Variants in UBA6 observed in about 807,000 individuals in gnomAD.
The protein encoded by UBA6 is ubiquitin-like modifier-activating enzyme 6.
UBA6 carries 87 observed loss-of-function variants against 148.3 expected under a neutral mutation model. The observed-to-expected ratio is 0.59, with a 90% CI of 0.49 to 0.70. The LOEUF is 0.70. UBA6 is among the 30% of genes least tolerant of loss of function. The pLI, the probability that UBA6 is intolerant of heterozygous loss-of-function variation, is 0.00. For synonymous variants in UBA6, 376 were observed against 401.0 expected (o/e 0.94, Z 0.75); for missense variants, 1,186 against 1,241.2 (o/e 0.96, Z 0.67).
chr4:67,622,962 C>T (rs1345857211), intron 31 of UBA6, 37 bp from the exon 32 acceptor site: 1 of 1,524,150 alleles, frequency 6.6e-7, no homozygotes. Context: ...CAATGAAAGC[C>T]TCGCTCAAAC....
intron 19 of UBA6, among the ~76,000 whole-genome samples, chr4:67,636,423 G>C (rs1016718464): frequency 6.6e-6 from 1 of 152,086 alleles, no homozygotes; most frequent in African/African-American, 2.4e-5. Flanking sequence ...CTCTTTCCAT[G>C]GTCTCCCTCT....
chr4:67,698,620 C>T (rs1039522361), intron 1 of UBA6, among the ~76,000 whole-genome samples: 2 of 152,142 alleles, frequency 1.3e-5, no homozygotes, highest in African/African-American at 4.8e-5. Flanking sequence ...ACCACACATA[C>T]TGCCTACTGT....
chr4:67,634,116 T>A, intron 22 of UBA6, 126 bp downstream of exon 22: 1 of 602,198 alleles, frequency 1.7e-6, no homozygotes, highest in Non-Finnish European at 2.8e-6. Context: ...ATTCCTTATG[T>A]ATCATTTCAT....
intron 4 of UBA6, among the ~76,000 whole-genome samples, chr4:67,679,883 G>A (rs981892741): frequency 6.6e-6 from 1 of 152,082 alleles, no homozygotes; most frequent in African/African-American, 2.4e-5. Context: ...ACTACTGGGG[G>A]CTGTGTCTCA....
chr4:67,657,840 AAAAG>A (rs1729739172), intron 13 of UBA6, among the ~76,000 whole-genome samples: 1 of 151,022 alleles, frequency 6.6e-6, no homozygotes, highest in Admixed American at 6.6e-5. Context: ...AAAAAAAAAA[AAAAG>A]AAAACAAAAA....
chr4:67,675,354 A>G (rs1015450553), intron 6 of UBA6, among the ~76,000 whole-genome samples: 1 of 152,152 alleles, frequency 6.6e-6, no homozygotes, highest in Non-Finnish European at 1.5e-5. Context: ...TATATTATAT[A>G]TTTAATCCCT....
chr4:67,662,468 T>G lies in UBA6; in HGVS notation c.1038-213A>C, dbSNP rs1367501696. On this transcript the variant is annotated intron_variant, in intron 12 of 32. Coordinates refer to ENST00000322244, the MANE Select transcript of UBA6 (RefSeq NM_018227.6). The stretch of plus-strand genomic sequence containing the variant: ...ATCAGTATATAAATAAGTTTAGTTT[T>G]TTTTGTTTTTTTTTTTTTGAGACAG... The G allele has an allele frequency of 4.6e-6, 2 of 439,214 alleles. 1 individual carries two copies. The highest frequency in any genetic ancestry group is 7.9e-6 in the Non-Finnish European group (2 of 252,792). 27.2% of individuals were successfully genotyped at this position (439,214 alleles called of 1,614,324 possible).
chr4:67,678,124 ATACATAT>A (rs966570551), intron 5 of UBA6, among the ~76,000 whole-genome samples: 1 of 126,412 alleles, frequency 7.9e-6, no homozygotes, highest in Non-Finnish European at 1.7e-5. Context: ...ATATTATATA[ATACATAT>A]TATGTAAATA....
At chr4:67,673,907 C>T in intron 6 of UBA6, 130 bp from the exon 7 acceptor site, 3 of 514,624 alleles carry the variant, frequency 5.8e-6, no homozygotes, top group East Asian at 3.3e-5. Context: ...AGTTATAATC[C>T]TACGGAATTC....
At chr4:67,628,374 T>G (rs769202822) in intron 27 of UBA6, among the ~76,000 whole-genome samples, 1 of 151,908 alleles carries the variant, frequency 6.6e-6, no homozygotes, top group Admixed American at 6.6e-5. Context: ...AGTCCTGACC[T>G]TAAAAGCTTT....
intron 2 of UBA6, among the ~76,000 whole-genome samples, chr4:67,690,089 T>C (rs1025772533): frequency 6.6e-6 from 1 of 152,050 alleles, no homozygotes; most frequent in Non-Finnish European, 1.5e-5. Context: ...AAGGTATTTT[T>C]GAGGCACAAA....
Position 67,621,541 on chromosome 4 carries a change from G to A in UBA6, c.3023+1290C>T, listed in dbSNP as rs139543805. Among the ~76,000 whole-genome samples the A allele has an allele frequency of 4.7e-3, 722 of 152,320 alleles. 8 individuals carry two copies. Among genetic ancestry groups the A allele is most frequent in the African/African-American group, 0.016 (668 of 41,580 alleles). On this transcript the variant is annotated intron_variant, in intron 32 of 32. Transcript: ENST00000322244. ...ACATGGGCCGGGCACAGTGGCTCAC[G>A]CCTGTAATCCCAGCACTTTGGGAGG...
At chr4:67,675,165 T>C (rs1359307429) in intron 6 of UBA6, among the ~76,000 whole-genome samples, 3 of 152,170 alleles carry the variant, frequency 2.0e-5, no homozygotes, top group Non-Finnish European at 4.4e-5. Flanking sequence ...CTATGTGCTA[T>C]AGCTTTGGTA....
intron 9 of UBA6, 41 bp downstream of exon 9, chr4:67,668,510 C>T (rs1730062505): frequency 6.4e-7 from 1 of 1,568,760 alleles, no homozygotes; most frequent in East Asian, 2.3e-5. Flanking sequence ...TATAAATTTG[C>T]TGAATAAGTA....
chr4:67,669,207 C>T (rs1206627806), intron 8 of UBA6, among the ~76,000 whole-genome samples: 1 of 152,094 alleles, frequency 6.6e-6, no homozygotes, highest in African/African-American at 2.4e-5. Context: ...GAATCCATAC[C>T]ATATTTTGGA....
chr4:67,656,393 T>C (rs1031545298), intron 13 of UBA6, among the ~76,000 whole-genome samples: 7 of 152,176 alleles, frequency 4.6e-5, no homozygotes, highest in Non-Finnish European at 1.0e-4. Flanking sequence ...AATCAATAAA[T>C]GTAATCTATC....
intron 2 of UBA6, among the ~76,000 whole-genome samples, chr4:67,686,485 TAAC>T (rs1730562513): frequency 1.3e-5 from 2 of 152,088 alleles, no homozygotes; most frequent in Admixed American, 1.3e-4. Flanking sequence ...GAGATCATAA[TAAC>T]AACAACTTCG....
intron 23 of UBA6, among the ~76,000 whole-genome samples, 167 bp downstream of exon 23, chr4:67,633,178 G>A (rs1466958987): frequency 6.6e-6 from 1 of 152,048 alleles, no homozygotes; most frequent in Non-Finnish European, 1.5e-5. Context: ...CTTCTATTCT[G>A]AACAAACTTC....
Position 67,701,030 on chromosome 4 carries a change from G to A in UBA6, c.71+19C>T. 1 of 1,613,348 alleles carries A rather than the reference G, an allele frequency of 6.2e-7. No homozygotes were observed. The highest frequency in any genetic ancestry group is 8.5e-7 in the Non-Finnish European group (1 of 1,179,458). ...GTCCCACCCGCGACCCCTCACCTTC[G>A]CCCTTCTCGTCCTCTCACCTGCCAG... On this transcript the variant is annotated intron_variant, in intron 1 of 32. Transcript: ENST00000322244.
Sources: allele counts gnomAD v4.1 joint callset (sites outside exome capture counted in the v4.1 genomes callset), GRCh38; gene constraint gnomAD v4.1.1; transcripts MANE v1.5; gene names NCBI Gene and HGNC (gene_info 2026-07-23, HGNC 2026-07-21).